CNTD1: variants seen among roughly 807,000 people sequenced by gnomAD.
The protein encoded by CNTD1 is cyclin N-terminal domain containing 1, also known as cyclin N-terminal domain-containing protein 1.
A neutral mutation model predicts 36.3 loss-of-function variants in CNTD1; 17 were observed. The ratio of observed to expected loss-of-function variants is 0.47; its 90% CI spans 0.32 to 0.70. The LOEUF (loss-of-function observed/expected upper bound fraction) is 0.70, where lower values mean the gene tolerates loss of function less well. Ranked by LOEUF, CNTD1 falls within the 30% of genes least tolerant of loss-of-function variation. The probability of loss-of-function intolerance (pLI) is 0.03; values close to 1 mark genes in which losing one functional copy is unlikely to be tolerated. For missense variants in CNTD1, 338 were observed against 386.1 expected (o/e 0.88, Z 1.04); for synonymous variants, 128 against 153.3 (o/e 0.83, Z 1.22).
chr17:42,811,219 C>A lies in CNTD1; in HGVS notation c.*1684C>A. ...CTTCTTGCTGTTTTCCTAGGCATCC[C>A]TGAACTTGGCGGGGGAGAAAGGAGG... On this transcript the variant is annotated 3_prime_UTR_variant, in exon 7 of 7. Coordinates refer to ENST00000588408, the MANE Select transcript of CNTD1 (RefSeq NM_173478.3). The A allele has an allele frequency of 3.0e-6, 1 of 331,402 alleles. No homozygotes were observed. 20.5% of individuals were successfully genotyped at this position (331,402 alleles called of 1,614,324 possible).
intron 6 of CNTD1, 78 bp downstream of exon 6, chr17:42,807,942 C>A: frequency 1.8e-6 from 2 of 1,136,804 alleles, no homozygotes; most frequent in Non-Finnish European, 2.6e-6. Flanking sequence ...TAAAGGAAAA[C>A]AGAGGACAAC....
chr17:42,805,021 T>C (rs902749517), intron 3 of CNTD1, among the ~76,000 whole-genome samples: 3 of 152,060 alleles, frequency 2.0e-5, no homozygotes, highest in African/African-American at 7.3e-5. Flanking sequence ...TTGGGACAGA[T>C]GCCATCATTC....
intron 6 of CNTD1, among the ~76,000 whole-genome samples, chr17:42,808,747 A>AAACAAC (rs535793124): frequency 6.7e-6 from 1 of 149,476 alleles, no homozygotes; most frequent in African/African-American, 2.5e-5. Context: ...CAAACAAACA[A>AAACAAC]AACAACAACA....
chr17:42,806,818 G>A lies in CNTD1; in HGVS notation c.725G>A (p.Gly242Glu). ...IENSTPSQLQ[G>E]EKFTSVKEDF... ...AACTCCACTCCCAGTCAGCTGCAAG[G>A]GTAAGACAACTCCTATAGGGTAGGC... Residue 242 changes from glycine to glutamate, a missense_variant and splice_region_variant, in exon 5 of 7, where the codon GGG (glycine) becomes GAG (glutamate). Gly to Glu is a moderately conservative substitution (Grantham distance 98, BLOSUM62 -2). Transcript: ENST00000588408. 6.2e-7 allele frequency: 1 copy of A among 1,613,978 alleles called. No individual in the cohort carries two copies. Among genetic ancestry groups the A allele is most frequent in the Non-Finnish European group, 8.5e-7 (1 of 1,179,954 alleles).
At position 42,809,334 on chromosome 17, in the gene CNTD1, A is replaced by G. The variant is rs773194303; in HGVS notation, c.823-31A>G. The G allele has an allele frequency of 1.6e-5, 25 of 1,578,310 alleles. No homozygotes were observed. In the South Asian group the frequency reaches 2.7e-4, roughly 17 times the overall value. On this transcript the variant is annotated intron_variant, in intron 6 of 6. Coordinates refer to ENST00000588408, the MANE Select transcript of CNTD1 (RefSeq NM_173478.3). ...GCACTAAAATGTGTTGAGATTTTTT[A>G]GTAATAAGAAATCTGTCTCTATTTC... is the stretch of plus-strand genomic sequence containing the variant.
Position 42,810,643 on chromosome 17 carries a change from CT to C in CNTD1, c.*1114del. On this transcript the variant is annotated 3_prime_UTR_variant, in exon 7 of 7. Coordinates refer to ENST00000588408, the MANE Select transcript of CNTD1 (RefSeq NM_173478.3). ...ATAAAGTGGCTTTTGTGGATTTTTT[CT>C]TTTTTGGTATTGTAAACATGTACTG... 4 of 1,128,914 alleles carry C rather than the reference CT, an allele frequency of 3.5e-6. No individual in the cohort carries two copies. Among genetic ancestry groups the C allele is most frequent in the African/African-American group, 1.6e-5 (1 of 61,992 alleles). 69.9% of individuals were successfully genotyped at this position (1,128,914 alleles called of 1,614,324 possible).
At position 42,807,798 on chromosome 17, in the gene CNTD1, C is replaced by T. The variant is rs1840410093; in HGVS notation, c.756C>T (p.Phe252=). Reference sequence around the variant, plus strand: ...AGTTTACTTCAGTGAAGGAAGACTTCATGCTGTTGGCAGTAGGAATCATTG... The same window carrying T: ...AGTTTACTTCAGTGAAGGAAGACTTTATGCTGTTGGCAGTAGGAATCATTG... ...GEKFTSVKED[F]MLLAVGIIAA... The change falls in exon 6 of 7, where the codon TTC becomes TTT. Residue 252 remains phenylalanine, a synonymous_variant. Coordinates refer to ENST00000588408, the MANE Select transcript of CNTD1 (RefSeq NM_173478.3). The T allele has an allele frequency of 6.2e-7, 1 of 1,614,092 alleles. No homozygotes were observed. The highest frequency in any genetic ancestry group is 8.5e-7 in the Non-Finnish European group (1 of 1,179,946).
intron 1 of CNTD1, among the ~76,000 whole-genome samples, chr17:42,801,513 AT>A (rs1567660141): frequency 0.033 from 1,799 of 54,472 alleles, 29 homozygotes; most frequent in East Asian, 0.051. Context: ...AAAAAAAAAT[AT>A]ATATATATAT....
At position 42,809,467 on chromosome 17, in the gene CNTD1, A is replaced by G; in HGVS notation, c.925A>G (p.Arg309Gly). The G allele has an allele frequency of 1.2e-6, 2 of 1,614,150 alleles. No individual in the cohort carries two copies. Among genetic ancestry groups the G allele is most frequent in the South Asian group, 1.1e-5 (1 of 91,082 alleles). ...CGGAGTGGGAGCCAACACTCCGGGG[A>G]GACAGCAGTCTATTCCTCCCCACCT... Reference protein sequence around the residue: ...THGVGANTPGRQQSIPPHLAA... With the variant: ...THGVGANTPGGQQSIPPHLAA... The change falls in exon 7 of 7, where the codon AGA becomes GGA. Residue 309 changes from arginine (R) to glycine (G), a missense_variant. Transcript: ENST00000588408.
intron 4 of CNTD1, among the ~76,000 whole-genome samples, chr17:42,806,259 G>C (rs1273896544): frequency 6.6e-6 from 1 of 152,014 alleles, no homozygotes; most frequent in East Asian, 1.9e-4. Context: ...AGGGGTTTGG[G>C]AACAGTGGGC....
At chr17:42,800,619 C>A (rs929270972) in intron 1 of CNTD1, among the ~76,000 whole-genome samples, 1 of 152,052 alleles carries the variant, frequency 6.6e-6, no homozygotes, top group African/African-American at 2.4e-5. Context: ...ACGATGGTAA[C>A]CCTGCCTTAG....
At position 42,811,545 on chromosome 17, in the gene CNTD1, A is replaced by C; in HGVS notation, c.*2010A>C. On this transcript the variant is annotated 3_prime_UTR_variant, in exon 7 of 7. Coordinates refer to ENST00000588408, the MANE Select transcript of CNTD1 (RefSeq NM_173478.3). Reference sequence around the variant, plus strand: ...CATCAATGTCATGTGATTCTGTGCCATTTTTTTGCTTTCCCACCATTTATA... The same window carrying C: ...CATCAATGTCATGTGATTCTGTGCCCTTTTTTTGCTTTCCCACCATTTATA... The C allele has an allele frequency of 7.0e-7, 1 of 1,430,662 alleles. No individual in the cohort carries two copies. The highest frequency in any genetic ancestry group is 9.5e-7 in the Non-Finnish European group (1 of 1,055,130). The allele number at this position is 1,430,662 out of a possible 1,614,324, so 88.6% of individuals were successfully genotyped here.
intron 5 of CNTD1, 148 bp from the exon 6 acceptor site, chr17:42,807,620 A>G: frequency 3.2e-6 from 2 of 628,760 alleles, no homozygotes; most frequent in Non-Finnish European, 2.8e-6. Flanking sequence ...GAGCAGGTCA[A>G]TGAGCTATTA....
intron 5 of CNTD1, 52 bp downstream of exon 5, chr17:42,806,870 C>T (rs932104626): frequency 1.3e-6 from 2 of 1,568,730 alleles, no homozygotes; most frequent in Non-Finnish European, 1.7e-6. Context: ...GAAGGGGAGA[C>T]AGACCACAAG....
At position 42,804,286 on chromosome 17, in the gene CNTD1, AAG is replaced by A. The variant is rs1362936350; in HGVS notation, c.314_315del (p.Glu105ValfsTer54). ...RQATIQPRDN[K>X]RESQNWRALK... ...AGCCACAATCCAGCCAAGAGATAAT[AAG>A]AGAGAGTCTCAGAATTGGAGGGCTC... On this transcript the variant is annotated frameshift_variant, in exon 3 of 7. Coordinates refer to ENST00000588408, the MANE Select transcript of CNTD1 (RefSeq NM_173478.3). LOFTEE classifies it high-confidence loss of function. The A allele has an allele frequency of 4.3e-6, 7 of 1,614,044 alleles. No individual in the cohort carries two copies. Among genetic ancestry groups the A allele is most frequent in the Non-Finnish European group, 5.9e-6 (7 of 1,180,018 alleles).
Position 42,809,522 on chromosome 17 carries a change from C to T in CNTD1, c.980C>T (p.Ser327Phe), listed in dbSNP as rs775211498. The T allele has an allele frequency of 8.1e-6, 13 of 1,613,886 alleles. No homozygotes were observed. The highest frequency in any genetic ancestry group is 4.0e-5 in the African/African-American group (3 of 74,926). Residue 327 changes from serine (S) to phenylalanine (F), a missense_variant, in exon 7 of 7, where the codon TCC becomes TTC. By Grantham distance (155) the Ser-to-Phe change is radical. Coordinates refer to ENST00000588408, the MANE Select transcript of CNTD1 (RefSeq NM_173478.3). ...LAARALKTVA[S>F]SNT ...GCCAGAGCTCTGAAGACTGTTGCTT[C>T]CTCTAACACATGAGGGAGGCTGAAT... is the stretch of plus-strand genomic sequence containing the variant.
intron 1 of CNTD1, among the ~76,000 whole-genome samples, chr17:42,801,582 G>A (rs1597912993): frequency 1.8e-5 from 2 of 112,592 alleles, no homozygotes; most frequent in South Asian, 3.0e-4. Flanking sequence ...GTGTGTGTGT[G>A]TATAATAGCT....
chr17:42,806,540 A>T, intron 4 of CNTD1, 134 bp from the exon 5 acceptor site: 1 of 843,534 alleles, frequency 1.2e-6, no homozygotes, highest in Non-Finnish European at 1.9e-6. Context: ...ATCTCCAGCT[A>T]AACAGGTTTC....
chr17:42,804,008 A>AT (rs374376015), intron 2 of CNTD1, among the ~76,000 whole-genome samples: 156 of 139,982 alleles, frequency 1.1e-3, no homozygotes, highest in Middle Eastern at 7.6e-3. Flanking sequence ...GCACTTGGCT[A>AT]TTTTTTTTTT....
Sources: allele counts gnomAD v4.1 joint callset (sites outside exome capture counted in the v4.1 genomes callset), GRCh38; gene constraint gnomAD v4.1.1; transcripts MANE v1.5; gene names NCBI Gene and HGNC (gene_info 2026-07-23, HGNC 2026-07-21).